Variants in PIEZO2 observed in about 807,000 individuals in gnomAD.
PIEZO2 encodes the protein piezo type mechanosensitive ion channel component 2.
In PIEZO2, 172 loss-of-function variants were observed where a neutral mutation model predicts 337.3. The ratio of observed to expected loss-of-function variants is 0.51; its 90% CI spans 0.45 to 0.58. The LOEUF (loss-of-function observed/expected upper bound fraction) is 0.58. Among genes scored for constraint, PIEZO2 ranks in the 20% least tolerant of loss-of-function variants. The pLI is 0.00. For synonymous variants in PIEZO2, 1,251 were observed against 1,228.5 expected, an observed-to-expected ratio of 1.02 and a Z score of -0.38; for missense variants, 3,028 against 3,391.3, an observed-to-expected ratio of 0.89 and a Z score of 2.66.
intron 1 of PIEZO2, among the ~76,000 whole-genome samples, chr18:11,086,436 C>A (rs3975422): frequency 1.3e-5 from 2 of 149,980 alleles, no homozygotes; most frequent in South Asian, 2.1e-4. Flanking sequence ...GGAGAATGGC[C>A]TGAACCCGGG....
At chr18:11,074,785 C>T (rs980451374) in intron 1 of PIEZO2, among the ~76,000 whole-genome samples, 2 of 152,142 alleles carry the variant, frequency 1.3e-5, no homozygotes, top group African/African-American at 4.8e-5. Flanking sequence ...ACTTGTGTTG[C>T]AATAGATATA....
At chr18:10,747,560 A>G (rs1568012628) in intron 30 of PIEZO2, among the ~76,000 whole-genome samples, 2 of 152,204 alleles carry the variant, frequency 1.3e-5, no homozygotes. Context: ...GCGGTACATA[A>G]AGTCATTGTC....
At chr18:11,081,786 G>C (rs376162337) in intron 1 of PIEZO2, among the ~76,000 whole-genome samples, 14 of 148,648 alleles carry the variant, frequency 9.4e-5, no homozygotes, top group African/African-American at 3.5e-4. Flanking sequence ...TTGAGATGGA[G>C]TCTTGCTCTG....
rs2032669979 is a variant in PIEZO2, at chr18:10,940,558, T to C, written c.287-29330A>G. On this transcript the variant is annotated intron_variant, in intron 3 of 55. Coordinates refer to ENST00000674853, the MANE Select transcript of PIEZO2 (RefSeq NM_001378183.1). The surrounding 1 kb of genome is among the most constrained non-coding windows in gnomAD (Gnocchi z 5.3). ...TTACTGCTTTTGTGCCTGCTGATAA[T>C]GTTCACATGTCTAAAAGAATTCAGG... Among the ~76,000 whole-genome samples, 1 of 152,214 alleles carries C rather than the reference T, an allele frequency of 6.6e-6. No homozygotes were observed. Among genetic ancestry groups the C allele is most frequent in the African/African-American group, 2.4e-5 (1 of 41,456 alleles).
At position 11,021,488 on chromosome 18, in the gene PIEZO2, T is replaced by C. The variant is rs2036308359; in HGVS notation, c.161-41828A>G. ...ATGAATGCTTTCTTGGTGGTAAGGATGCAAATTTGAGTTGAGTTTCTGAGC... is the reference window on the plus strand; with the variant it reads ...ATGAATGCTTTCTTGGTGGTAAGGACGCAAATTTGAGTTGAGTTTCTGAGC... On this transcript the variant is annotated intron_variant, in intron 2 of 55. Coordinates refer to ENST00000674853, the MANE Select transcript of PIEZO2 (RefSeq NM_001378183.1). The surrounding 1 kb of genome is among the most constrained non-coding windows in gnomAD (Gnocchi z 4.7). Among the ~76,000 whole-genome samples the C allele has an allele frequency of 6.6e-6, 1 of 152,180 alleles. No individual in the cohort carries two copies. The highest frequency in any genetic ancestry group is 1.5e-5 in the Non-Finnish European group (1 of 68,028).
chr18:10,828,420 A>C lies in PIEZO2; in HGVS notation c.918-21146T>G, dbSNP rs1004996187. Among the ~76,000 whole-genome samples, 1 of 152,148 alleles carries C rather than the reference A, an allele frequency of 6.6e-6. No individual in the cohort carries two copies. The highest frequency in any genetic ancestry group is 2.1e-4 in the South Asian group (1 of 4,826). On this transcript the variant is annotated intron_variant, in intron 7 of 55. Transcript: ENST00000674853. The surrounding 1 kb of genome is among the most constrained non-coding windows in gnomAD (Gnocchi z 4.1). ...TGAAGAAATTCCTATTTTAACAAAA[A>C]GGTTGGGGATTTTGGTGCATTTTAA...
At chr18:10,907,980 A>G (rs2030110069) in intron 4 of PIEZO2, among the ~76,000 whole-genome samples, 1 of 152,242 alleles carries the variant, frequency 6.6e-6, no homozygotes, top group Non-Finnish European at 1.5e-5. Context: ...ATATTACAAC[A>G]CACTTCTGTA....
chr18:11,059,675 G>A (rs2037866465), intron 2 of PIEZO2, among the ~76,000 whole-genome samples: 1 of 152,122 alleles, frequency 6.6e-6, no homozygotes, highest in Non-Finnish European at 1.5e-5. Context: ...ATTACATAAT[G>A]GTAAAGGGAT....
At chr18:10,741,620 C>G (rs2144158170) in intron 32 of PIEZO2, among the ~76,000 whole-genome samples, 1 of 152,194 alleles carries the variant, frequency 6.6e-6, no homozygotes, top group South Asian at 2.1e-4. Flanking sequence ...CATAGAGAAG[C>G]ATGCAAGCCT....
chr18:11,018,661 T>C (rs1244814316), intron 2 of PIEZO2, among the ~76,000 whole-genome samples: 1 of 152,152 alleles, frequency 6.6e-6, no homozygotes, highest in Non-Finnish European at 1.5e-5. Flanking sequence ...ATTTCTATTT[T>C]GTCTTGTCCA....
At chr18:10,977,037 A>T (rs57551137) in intron 3 of PIEZO2, among the ~76,000 whole-genome samples, 2 of 62,726 alleles carry the variant, frequency 3.2e-5, no homozygotes, top group Non-Finnish European at 8.1e-5. Context: ...GTGTGTGTGT[A>T]TGTAAGCTTG....
intron 2 of PIEZO2, among the ~76,000 whole-genome samples, chr18:11,046,357 C>A (rs1349612915): frequency 1.3e-5 from 2 of 152,238 alleles, no homozygotes; most frequent in East Asian, 1.9e-4. Flanking sequence ...TGAACTCTCA[C>A]TTTTATGAAA....
At chr18:10,691,782 C>CACACATATATATAT in intron 47 of PIEZO2, among the ~76,000 whole-genome samples, 3 of 96,644 alleles carry the variant, frequency 3.1e-5, no homozygotes, top group African/African-American at 1.4e-4. Context: ...CACACACACA[C>CACACATATATATAT]ATATATATAT....
intron 3 of PIEZO2, among the ~76,000 whole-genome samples, chr18:10,976,962 C>T (rs1016132095): frequency 6.7e-6 from 1 of 149,644 alleles, no homozygotes; most frequent in Non-Finnish European, 1.5e-5. Flanking sequence ...GGTATTGTGA[C>T]TTTTTGCCTG....
Position 11,132,505 on chromosome 18 carries a change from T to C in PIEZO2, c.64+16020A>G, listed in dbSNP as rs566592244. Among the ~76,000 whole-genome samples, 11 of 152,226 alleles carry C rather than the reference T, an allele frequency of 7.2e-5. No homozygotes were observed. Among genetic ancestry groups the C allele is most frequent in the African/African-American group, 2.4e-4 (10 of 41,536 alleles). On this transcript the variant is annotated intron_variant, in intron 1 of 55. Coordinates refer to ENST00000674853, the MANE Select transcript of PIEZO2 (RefSeq NM_001378183.1). This position sits in a 1 kb window ranked among gnomAD's most constrained non-coding sequence, Gnocchi z 4.7. Reference sequence around the variant, plus strand: ...CTCTGAATCAACATCCAATATATGGTACTGTTTCTCTCATAGCCAGGATTC... The same window carrying C: ...CTCTGAATCAACATCCAATATATGGCACTGTTTCTCTCATAGCCAGGATTC...
chr18:10,916,614 C>T lies in PIEZO2; in HGVS notation c.287-5386G>A, dbSNP rs375310500. Reference sequence around the variant, plus strand: ...TGAGGCCGCGCCCATCTAGAACTCGCGTCGGCCGGCGAGTGCAAGCAAAGT... The same window carrying T: ...TGAGGCCGCGCCCATCTAGAACTCGTGTCGGCCGGCGAGTGCAAGCAAAGT... On this transcript the variant is annotated intron_variant, in intron 3 of 55. Transcript: ENST00000674853. Among the ~76,000 whole-genome samples, 24 of 152,274 alleles carry T rather than the reference C, an allele frequency of 1.6e-4. No individual in the cohort carries two copies. In the South Asian group the frequency reaches 4.1e-3, roughly 26 times the overall value.
intron 7 of PIEZO2, among the ~76,000 whole-genome samples, chr18:10,852,709 A>G (rs978726028): frequency 6.6e-6 from 1 of 152,174 alleles, no homozygotes; most frequent in Non-Finnish European, 1.5e-5. Flanking sequence ...ATTTCTCAAC[A>G]AGAAGACAAA....
chr18:10,892,360 T>A (rs1485857637), intron 4 of PIEZO2, among the ~76,000 whole-genome samples: 1 of 152,108 alleles, frequency 6.6e-6, no homozygotes, highest in Non-Finnish European at 1.5e-5. Context: ...TTATTCCATG[T>A]GAAAAAAGCC....
rs1474075129 is a variant in PIEZO2 at position 11,125,356 on chromosome 18, C to G, written c.64+23169G>C. On this transcript the variant is annotated intron_variant, in intron 1 of 55. Transcript: ENST00000674853. This position sits in a 1 kb window ranked among gnomAD's most constrained non-coding sequence, Gnocchi z 4.4. ...GTCATCAGCATTGTTACAACACTTA[C>G]AATGTTGAATGTGGCATTTCAGCAA... Among the ~76,000 whole-genome samples the G allele has an allele frequency of 6.6e-6, 1 of 152,214 alleles. No homozygotes were observed. The highest frequency in any genetic ancestry group is 1.9e-4 in the East Asian group (1 of 5,194).
Sources: gnomAD v4.1 joint callset for allele counts (sites outside exome capture counted in the v4.1 genomes callset) on GRCh38, gnomAD v4.1.1 for gene constraint, Gnocchi (gnomAD v3.1) non-coding constraint, MANE v1.5 for transcripts, NCBI Gene and HGNC (gene_info 2026-07-23, HGNC 2026-07-21) for gene names.